Variants in CCDC102B observed in about 807,000 individuals in gnomAD.
The protein encoded by CCDC102B is coiled-coil domain containing 102B, also known as coiled-coil domain-containing protein 102B.
Under a neutral mutation model 57.4 loss-of-function variants are expected in CCDC102B, and 75 were observed. The ratio of observed to expected loss-of-function variants is 1.31; its 90% confidence interval spans 1.08 to 1.58. The LOEUF (loss-of-function observed/expected upper bound fraction) is 1.58, where lower values mean the gene tolerates loss of function less well. Ranked by LOEUF, CCDC102B falls within the 40% of genes most tolerant of loss-of-function variation. The pLI is 0.00. For synonymous variants in CCDC102B, 206 were observed against 201.9 expected (o/e 1.02, Z -0.17); for missense variants, 636 against 582.6 (o/e 1.09, Z -0.94).
chr18:68,724,637 T>G (rs309236), intron 2 of CCDC102B, among the ~76,000 whole-genome samples: 40,451 of 152,138 alleles, frequency 0.27, 9,146 homozygotes, highest in African/African-American at 0.62. Flanking sequence ...CCTCAGCCTG[T>G]ATTTCATTTT....
chr18:68,717,548 A>G (rs186520288), intron 2 of CCDC102B, among the ~76,000 whole-genome samples: 48 of 152,352 alleles, frequency 3.2e-4, no homozygotes, highest in African/African-American at 1.1e-3. Flanking sequence ...CAATGAGAAA[A>G]TGATCAAAAT....
At chr18:68,989,968 T>C (rs1229075665) in intron 6 of CCDC102B, among the ~76,000 whole-genome samples, 1 of 152,170 alleles carries the variant, frequency 6.6e-6, no homozygotes, top group African/African-American at 2.4e-5. Context: ...TTGGTTATTT[T>C]GTTGTTGTAG....
intron 6 of CCDC102B, among the ~76,000 whole-genome samples, chr18:68,967,477 T>G (rs2050193830): frequency 6.6e-6 from 1 of 152,168 alleles, no homozygotes; most frequent in South Asian, 2.1e-4. Context: ...TATAAATGAA[T>G]AAGATTAGAT....
chr18:68,931,974 CTG>C (rs2041688582), intron 6 of CCDC102B, among the ~76,000 whole-genome samples: 1 of 137,394 alleles, frequency 7.3e-6, no homozygotes, highest in Non-Finnish European at 1.6e-5. Flanking sequence ...TATACACAAA[CTG>C]TATTATTCTA....
chr18:68,814,334 AT>A (rs2036395156), intron 1 of CCDC102B, among the ~76,000 whole-genome samples: 1 of 152,132 alleles, frequency 6.6e-6, no homozygotes, highest in Non-Finnish European at 1.5e-5. Flanking sequence ...AGCCAGAAAT[AT>A]TTATTCAATT....
At chr18:68,975,685 T>C (rs1026377604) in intron 6 of CCDC102B, among the ~76,000 whole-genome samples, 3 of 152,086 alleles carry the variant, frequency 2.0e-5, no homozygotes, top group African/African-American at 7.2e-5. Context: ...CTGTGTAGTG[T>C]TCATTCACTA....
intron 4 of CCDC102B, among the ~76,000 whole-genome samples, chr18:68,868,241 T>A (rs1439035933): frequency 6.6e-6 from 1 of 152,080 alleles, no homozygotes; most frequent in East Asian, 1.9e-4. Flanking sequence ...CTTTAAAAAT[T>A]AAAAATATAC....
intron 2 of CCDC102B, among the ~76,000 whole-genome samples, chr18:68,731,553 C>G (rs1358694736): frequency 1.4e-4 from 22 of 151,822 alleles, no homozygotes; most frequent in Admixed American, 1.4e-3. Flanking sequence ...TTAGGTTGGT[C>G]CCATCTGAGG....
At chr18:68,924,922 C>T (rs140986496) in intron 6 of CCDC102B, among the ~76,000 whole-genome samples, 81 of 152,072 alleles carry the variant, frequency 5.3e-4, no homozygotes, top group Middle Eastern at 3.4e-3. Flanking sequence ...CAGTGCCCAC[C>T]CCCAGATTTG....
chr18:68,885,474 T>A (rs1460767657), intron 5 of CCDC102B, among the ~76,000 whole-genome samples: 4 of 152,000 alleles, frequency 2.6e-5, no homozygotes, highest in Non-Finnish European at 5.9e-5. Flanking sequence ...TGGAATACAA[T>A]AAACTGCCTG....
intron 6 of CCDC102B, among the ~76,000 whole-genome samples, chr18:69,005,174 A>C (rs1200664670): frequency 1.3e-5 from 2 of 152,148 alleles, no homozygotes; most frequent in Non-Finnish European, 2.9e-5. Context: ...TGATTGTGAT[A>C]ACAATCCAAT....
chr18:68,748,498 C>G (rs939937939), intron 2 of CCDC102B, among the ~76,000 whole-genome samples: 2 of 152,070 alleles, frequency 1.3e-5, no homozygotes, highest in African/African-American at 4.8e-5. Flanking sequence ...CAGTTTCAAA[C>G]AGCTCTTTTC....
chr18:68,765,359 AAGAAAGAAAGAAAG>A (rs1346271013), intron 2 of CCDC102B, among the ~76,000 whole-genome samples: 1 of 146,954 alleles, frequency 6.8e-6, no homozygotes, highest in South Asian at 2.1e-4. Context: ...GAAAGAAAGA[AAGAAAGAAAGAAAG>A]AAAGAAAAGA....
chr18:68,824,145 G>T (rs1599519865), intron 1 of CCDC102B, among the ~76,000 whole-genome samples: 1 of 152,118 alleles, frequency 6.6e-6, no homozygotes, highest in Non-Finnish European at 1.5e-5. Context: ...ATGTCAAGAA[G>T]GGTATTTCCT....
At chr18:68,945,864 C>T (rs1192973737) in intron 6 of CCDC102B, among the ~76,000 whole-genome samples, 1 of 152,020 alleles carries the variant, frequency 6.6e-6, no homozygotes, top group Non-Finnish European at 1.5e-5. Context: ...AAACCGTTGA[C>T]CTTGCACACT....
intron 6 of CCDC102B, among the ~76,000 whole-genome samples, chr18:68,958,035 G>A (rs563146358): frequency 6.6e-6 from 1 of 152,260 alleles, no homozygotes; most frequent in South Asian, 2.1e-4. Context: ...TCACAATCAT[G>A]GCAGAAGGTG....
intron 2 of CCDC102B, 137 bp from the exon 3 acceptor site, chr18:68,838,569 C>T: frequency 7.0e-7 from 1 of 1,434,926 alleles, no homozygotes; most frequent in South Asian, 1.6e-5. Context: ...GGCCACACAA[C>T]ACTTTCAGGG....
At chr18:68,997,855 GTTT>G (rs908937255) in intron 6 of CCDC102B, among the ~76,000 whole-genome samples, 19 of 94,454 alleles carry the variant, frequency 2.0e-4, no homozygotes, top group Admixed American at 6.8e-4. Flanking sequence ...AATAATATGT[GTTT>G]TTTTTGGCAT....
At chr18:68,988,607 A>C (rs2050785751) in intron 6 of CCDC102B, among the ~76,000 whole-genome samples, 1 of 152,216 alleles carries the variant, frequency 6.6e-6, no homozygotes, top group Non-Finnish European at 1.5e-5. Context: ...GGTCAGCAAG[A>C]ATGAACTCGG....
Sources: allele counts gnomAD v4.1 joint callset (sites outside exome capture counted in the v4.1 genomes callset), GRCh38; gene constraint gnomAD v4.1.1; transcripts MANE v1.5; gene names NCBI Gene and HGNC (gene_info 2026-07-23, HGNC 2026-07-21).